The following CTBP2 variants were observed in gnomAD, a reference collection of about 807,000 sequenced individuals.
CTBP2 encodes C-terminal binding protein 2, also known as C-terminal-binding protein 2.
CTBP2 carries 30 observed loss-of-function variants against 80.3 expected under a neutral mutation model. The observed-to-expected ratio is 0.37, with a 90% CI of 0.28 to 0.51. The LOEUF is 0.51. Ranked by LOEUF, CTBP2 falls within the 20% of genes least tolerant of loss-of-function variation. The pLI is 0.93. For missense variants in CTBP2, 1,212 were observed against 1,375.3 expected (o/e 0.88, Z 1.88); for synonymous variants, 594 against 587.4 (o/e 1.01, Z -0.16).
intron 2 of CTBP2, among the ~76,000 whole-genome samples, chr10:125,098,732 G>A (rs11245502): frequency 7.9e-6 from 1 of 127,224 alleles, no homozygotes; most frequent in African/African-American, 3.2e-5. Context: ...GACAGAGAGA[G>A]AGAGAGAGAG....
At position 125,026,362 on chromosome 10, in the gene CTBP2, C is replaced by T. The variant is rs894087529; in HGVS notation, c.1398G>A (p.Pro466=). ...CTGGGTGAAGGGGGTTTGAGGGGCCCGGGTTAGTCAAGGCCACCCCTGCCT... is the reference window on the plus strand; with the variant it reads ...CTGGGTGAAGGGGGTTTGAGGGGCCTGGGTTAGTCAAGGCCACCCCTGCCT... The change falls in exon 1 of 9, where the codon CCG becomes CCA. Residue 466 remains proline, a synonymous_variant. Coordinates refer to ENST00000309035, the MANE Select transcript of CTBP2 (RefSeq NM_022802.3). 48 of 1,613,186 alleles carry T rather than the reference C, an allele frequency of 3.0e-5. No homozygotes were observed. The Admixed American group carries it at 4.8e-4, about 16-fold the overall frequency.
chr10:125,091,664 G>T (rs1038919619), intron 2 of CTBP2, among the ~76,000 whole-genome samples: 4 of 152,198 alleles, frequency 2.6e-5, no homozygotes, highest in African/African-American at 9.7e-5. Flanking sequence ...TCCCAGCTAT[G>T]TGGGGAGCTG....
intron 2 of CTBP2, among the ~76,000 whole-genome samples, chr10:125,040,477 AG>A (rs1489557516): frequency 1.7e-3 from 237 of 141,938 alleles, no homozygotes; most frequent in Non-Finnish European, 3.3e-3. Flanking sequence ...AAAAAAAAAA[AG>A]GTGGCTTGAA....
intron 1 of CTBP2, among the ~76,000 whole-genome samples, chr10:125,006,560 C>G (rs1955267896): frequency 6.6e-6 from 1 of 152,182 alleles, no homozygotes; most frequent in Non-Finnish European, 1.5e-5. Flanking sequence ...TTGCTGGAGC[C>G]TGGGGCAGAG....
chr10:125,086,304 A>C (rs2135617201), intron 2 of CTBP2, among the ~76,000 whole-genome samples: 1 of 152,194 alleles, frequency 6.6e-6, no homozygotes, highest in South Asian at 2.1e-4. Flanking sequence ...GGCCGAGGTA[A>C]GTGGATCACC....
At chr10:124,998,959 C>T (rs4962718) in intron 3 of CTBP2, 83,780 of 152,310 alleles carry the variant, frequency 0.55, 25,908 homozygotes, top group Non-Finnish European at 0.7. Context: ...AAGTCATAGG[C>T]AGAAAGGGCC....
At chr10:125,103,558 C>T (rs544870819) in intron 2 of CTBP2, among the ~76,000 whole-genome samples, 2 of 152,286 alleles carry the variant, frequency 1.3e-5, no homozygotes, top group East Asian at 3.9e-4. Flanking sequence ...AGACAACAGG[C>T]CACCCAGGCA....
intron 1 of CTBP2, among the ~76,000 whole-genome samples, chr10:125,017,514 T>C (rs1956615473): frequency 6.6e-6 from 1 of 152,212 alleles, no homozygotes. Flanking sequence ...CCCTCACCTT[T>C]TCCTACATTT....
At chr10:125,042,209 C>A (rs1371916074) in intron 2 of CTBP2, among the ~76,000 whole-genome samples, 1 of 152,216 alleles carries the variant, frequency 6.6e-6, no homozygotes, top group African/African-American at 2.4e-5. Flanking sequence ...CCTTAGCCCT[C>A]CCAAGGAGCA....
At chr10:124,991,805 T>C (rs1952662424) in intron 8 of CTBP2, among the ~76,000 whole-genome samples, 2 of 147,064 alleles carry the variant, frequency 1.4e-5, no homozygotes, top group Non-Finnish European at 3.0e-5. Flanking sequence ...GTTTAGAATA[T>C]GCAAAAATTT....
chr10:125,090,180 C>A (rs1399959207), intron 2 of CTBP2, among the ~76,000 whole-genome samples: 1 of 150,842 alleles, frequency 6.6e-6, no homozygotes, highest in Admixed American at 6.6e-5. Context: ...AGGGGCCAGA[C>A]ACGGTGGCTC....
At chr10:125,081,815 G>A (rs973618674) in intron 2 of CTBP2, among the ~76,000 whole-genome samples, 4 of 152,092 alleles carry the variant, frequency 2.6e-5, no homozygotes, top group African/African-American at 7.2e-5. Flanking sequence ...TAAAGTAAGA[G>A]TCACAGCATG....
chr10:125,154,359 C>T (rs1483807476), intron 1 of CTBP2, among the ~76,000 whole-genome samples: 1 of 152,134 alleles, frequency 6.6e-6, no homozygotes, highest in Middle Eastern at 3.2e-3. Flanking sequence ...AGCAGCTATT[C>T]AGGGTTCCCA....
chr10:125,002,527 G>A (rs1000405955), intron 3 of CTBP2, among the ~76,000 whole-genome samples: 1 of 152,230 alleles, frequency 6.6e-6, no homozygotes, highest in Non-Finnish European at 1.5e-5. Context: ...GGAGGCCCAG[G>A]TTCCCATGTG....
chr10:124,987,216 G>GGACT lies in CTBP2; in HGVS notation c.*2301_*2302insAGTC, dbSNP rs1952072732. 6.6e-6 allele frequency: 1 copy of GGACT among 152,510 alleles called. No homozygotes were observed. Among genetic ancestry groups the GGACT allele is most frequent in the African/African-American group, 2.4e-5 (1 of 41,392 alleles). The allele number at this position is 152,510 out of a possible 1,614,324, so 9.4% of individuals were successfully genotyped here. On this transcript the variant is annotated 3_prime_UTR_variant, in exon 9 of 9. Coordinates refer to ENST00000309035, the MANE Select transcript of CTBP2 (RefSeq NM_022802.3). ...AGATAGAATATAGTCCTTTTTCAAA[G>GGACT]ATGATTATACGTGGCTAGGTGACAG... is the stretch of plus-strand genomic sequence containing the variant.
At chr10:125,081,998 G>A (rs1847243513) in intron 2 of CTBP2, among the ~76,000 whole-genome samples, 1 of 151,958 alleles carries the variant, frequency 6.6e-6, no homozygotes. Flanking sequence ...CTGCCCAGGG[G>A]CAGGCTCTGT....
At chr10:125,096,643 C>A (rs1849588357) in intron 2 of CTBP2, among the ~76,000 whole-genome samples, 2 of 152,102 alleles carry the variant, frequency 1.3e-5, no homozygotes, top group South Asian at 4.2e-4. Flanking sequence ...ACAGCTCTAA[C>A]ACATTCTGTC....
chr10:125,126,887 T>C (rs1318131576), intron 1 of CTBP2, among the ~76,000 whole-genome samples: 2 of 152,118 alleles, frequency 1.3e-5, no homozygotes, highest in Non-Finnish European at 2.9e-5. Flanking sequence ...GCCATCTGTC[T>C]TGCCTGCTGC....
chr10:125,150,087 C>A (rs1020802853), intron 1 of CTBP2, among the ~76,000 whole-genome samples: 2 of 152,198 alleles, frequency 1.3e-5, no homozygotes, highest in Admixed American at 6.5e-5. Context: ...TGTCTCTTGA[C>A]CCCCAACTCC....
Sources: gnomAD v4.1 joint callset for allele counts (sites outside exome capture counted in the v4.1 genomes callset) on GRCh38, gnomAD v4.1.1 for gene constraint, MANE v1.5 for transcripts, NCBI Gene and HGNC (gene_info 2026-07-23, HGNC 2026-07-21) for gene names.